The following RALGAPB variants were observed in gnomAD, a reference collection of about 807,000 sequenced individuals.
The protein encoded by RALGAPB is Ral GTPase activating protein non-catalytic subunit beta, also known as ral GTPase-activating protein subunit beta.
In RALGAPB, 25 loss-of-function variants were observed where a neutral mutation model predicts 161.1. That is an observed-to-expected ratio of 0.16 (90% CI 0.11 to 0.22). The LOEUF is 0.22. Among genes scored for constraint, RALGAPB ranks in the 10% least tolerant of loss-of-function variants. RALGAPB has a pLI of 1.00. For missense variants in RALGAPB, 1,391 were observed against 1,815.2 expected, an observed-to-expected ratio of 0.77 and a Z score of 4.25; for synonymous variants, 629 against 626.1, an observed-to-expected ratio of 1.00 and a Z score of -0.07.
rs2088351628 is a variant in RALGAPB, at chr20:38,574,290, G to T, written c.4283G>T (p.Arg1428Leu). 1 of 1,609,818 alleles carries T rather than the reference G, an allele frequency of 6.2e-7. No homozygotes were observed. Among genetic ancestry groups the T allele is most frequent in the Non-Finnish European group, 8.5e-7 (1 of 1,178,562 alleles). ...GTGGATGGGATGATTGTCAGCAGGC[G>T]AGCTCTTGGTAAGGTCTTCATATGT... ...PLVDGMIVSR[R>L]ALGFLVRQTV... is the part of the protein sequence containing the mutation. The change falls in exon 29 of 30, where the codon CGA (arginine) becomes CTA (leucine). Residue 1428 changes from arginine (R) to leucine (L), a missense_variant. Physicochemically the swap from Arg to Leu is moderately radical, Grantham distance 102. Coordinates refer to ENST00000262879, the MANE Select transcript of RALGAPB (RefSeq NM_020336.4).
intron 2 of RALGAPB, among the ~76,000 whole-genome samples, chr20:38,491,301 G>A (rs1415017485): frequency 6.6e-6 from 1 of 151,722 alleles, no homozygotes; most frequent in African/African-American, 2.4e-5. Context: ...TAGCTTTGTG[G>A]TATCTACAGA....
At position 38,488,474 on chromosome 20, in the gene RALGAPB, T is replaced by C. The variant is rs752803121; in HGVS notation, c.42T>C (p.Asn14=). Residue 14 remains asparagine (N), a synonymous_variant, in exon 2 of 30, where the codon AAT becomes AAC. Transcript: ENST00000262879. ...EWRSLHLVIQ[N]DQGHTSVLHS... ...GGTCACTGCATTTGGTGATTCAGAATGATCAAGGCCATACCAGTGTGCTGC... is the reference window on the plus strand; with the variant it reads ...GGTCACTGCATTTGGTGATTCAGAACGATCAAGGCCATACCAGTGTGCTGC... 4.3e-6 allele frequency: 7 copies of C among 1,614,026 alleles called. No homozygotes were observed. In the Admixed American group the frequency reaches 1.0e-4, roughly 23 times the overall value.
chr20:38,555,777 T>C (rs964945895), intron 22 of RALGAPB, among the ~76,000 whole-genome samples: 39 of 152,080 alleles, frequency 2.6e-4, no homozygotes, highest in Non-Finnish European at 1.2e-4. Flanking sequence ...AGTTACCTGG[T>C]TTATGAACCT....
rs190992467 is a variant in RALGAPB at position 38,485,320 on chromosome 20, A to T, written c.-30-3083A>T. ...TACTCATTGTGCTAACCAAAAGTAC[A>T]CTTATTTCCACAGTGCCTCTAGGTG... On this transcript the variant is annotated intron_variant, in intron 1 of 29. Coordinates refer to ENST00000262879, the MANE Select transcript of RALGAPB (RefSeq NM_020336.4). Among the ~76,000 whole-genome samples the T allele has an allele frequency of 3.9e-3, 587 of 152,258 alleles. 4 individuals carry two copies. The highest frequency in any genetic ancestry group is 0.022 in the South Asian group (108 of 4,818).
chr20:38,567,843 G>T (rs1201610892), intron 26 of RALGAPB, among the ~76,000 whole-genome samples: 1 of 152,210 alleles, frequency 6.6e-6, no homozygotes, highest in Non-Finnish European at 1.5e-5. Context: ...TTTTAGGTTA[G>T]CTTCCTTCCA....
chr20:38,567,242 T>C lies in RALGAPB; in HGVS notation c.3954+10T>C, dbSNP rs1326426859. On this transcript the variant is annotated intron_variant, in intron 26 of 29. Transcript: ENST00000262879. The stretch of plus-strand genomic sequence containing the variant: ...TAATTCCTCACAGAGGGTAAGTTAC[T>C]TTGTTGATAGGTCTCCAAAATTTTG... The C allele has an allele frequency of 6.2e-7, 1 of 1,608,928 alleles. No homozygotes were observed. Among genetic ancestry groups the C allele is most frequent in the Non-Finnish European group, 8.5e-7 (1 of 1,177,776 alleles).
intron 22 of RALGAPB, among the ~76,000 whole-genome samples, chr20:38,556,004 GA>G: frequency 6.6e-6 from 1 of 152,184 alleles, no homozygotes; most frequent in South Asian, 2.1e-4. Context: ...AAGCTATTAA[GA>G]AAATAATTTG....
chr20:38,526,185 A>T (rs2086461826), intron 13 of RALGAPB, 143 bp downstream of exon 13: 2 of 953,400 alleles, frequency 2.1e-6, no homozygotes, highest in Non-Finnish European at 1.6e-6. Flanking sequence ...TAGTTTTTTA[A>T]TGTAAAAAAA....
chr20:38,481,016 G>A (rs969294105), intron 1 of RALGAPB, among the ~76,000 whole-genome samples: 2 of 151,972 alleles, frequency 1.3e-5, no homozygotes, highest in Non-Finnish European at 2.9e-5. Context: ...GATTACAGGC[G>A]TGACCCACTG....
intron 19 of RALGAPB, chr20:38,547,938 G>A (rs1050701238): frequency 1.3e-5 from 2 of 152,138 alleles, no homozygotes; most frequent in African/African-American, 4.8e-5. Context: ...GCTTTTTAAA[G>A]ACTCTCCTAC....
intron 13 of RALGAPB, among the ~76,000 whole-genome samples, chr20:38,527,243 C>A (rs2086499160): frequency 6.6e-6 from 1 of 152,136 alleles, no homozygotes; most frequent in Non-Finnish European, 1.5e-5. Context: ...TCCCTTTAAG[C>A]CCTTATGCCC....
At chr20:38,473,380 G>T (rs1406711400) in intron 1 of RALGAPB, among the ~76,000 whole-genome samples, 1 of 152,170 alleles carries the variant, frequency 6.6e-6, no homozygotes, top group Non-Finnish European at 1.5e-5. Flanking sequence ...GACAACTCCC[G>T]CAAAGAATTT....
chr20:38,488,550 C>T lies in RALGAPB; in HGVS notation c.118C>T (p.Pro40Ser). The T allele has an allele frequency of 6.2e-7, 1 of 1,614,160 alleles. No individual in the cohort carries two copies. The highest frequency in any genetic ancestry group is 8.5e-7 in the Non-Finnish European group (1 of 1,180,038). The change falls in exon 2 of 30, where the codon CCT becomes TCT. Residue 40 changes from proline (P) to serine (S), a missense_variant. This residue lies in a region of RALGAPB where 946 missense variants were observed against 1,257.2 expected (regional missense o/e 0.75). Transcript: ENST00000262879. Reference protein sequence around the residue: ...GREVANAVVRPLGQVLGTPSV... With the variant: ...GREVANAVVRSLGQVLGTPSV... Reference sequence around the variant, plus strand: ...AGAGGTGGCAAATGCTGTAGTCCGTCCTCTTGGGCAGGTGTTAGGTACCCC... The same window carrying T: ...AGAGGTGGCAAATGCTGTAGTCCGTTCTCTTGGGCAGGTGTTAGGTACCCC...
intron 3 of RALGAPB, among the ~76,000 whole-genome samples, chr20:38,494,531 C>A (rs144432963): frequency 4.0e-5 from 6 of 151,450 alleles, no homozygotes; most frequent in African/African-American, 1.5e-4. Flanking sequence ...CATGGGAGGC[C>A]GAGGCAGGAG....
At chr20:38,503,296 G>C (rs563424414) in intron 5 of RALGAPB, among the ~76,000 whole-genome samples, 3 of 152,294 alleles carry the variant, frequency 2.0e-5, no homozygotes, top group African/African-American at 7.2e-5. Flanking sequence ...TTTTTCAACT[G>C]TATGAGGGGC....
At chr20:38,491,851 T>G (rs2085289967) in intron 2 of RALGAPB, among the ~76,000 whole-genome samples, 1 of 152,242 alleles carries the variant, frequency 6.6e-6, no homozygotes, top group African/African-American at 2.4e-5. Context: ...ATGAAGCTCA[T>G]TTGGCATGGC....
intron 15 of RALGAPB, among the ~76,000 whole-genome samples, chr20:38,534,860 A>G (rs923214226): frequency 1.4e-4 from 21 of 152,232 alleles, no homozygotes; most frequent in African/African-American, 4.8e-4. Flanking sequence ...TGAACCAGGA[A>G]CTAGAAGCTG....
chr20:38,571,104 G>A (rs1328692665), intron 28 of RALGAPB, among the ~76,000 whole-genome samples: 1 of 152,090 alleles, frequency 6.6e-6, no homozygotes, highest in African/African-American at 2.4e-5. Context: ...ACAACTTGAT[G>A]AGCTTGGAGA....
At chr20:38,510,543 C>T (rs988055470) in intron 6 of RALGAPB, among the ~76,000 whole-genome samples, 11 of 152,158 alleles carry the variant, frequency 7.2e-5, no homozygotes, top group African/African-American at 1.7e-4. Context: ...AAAACCTCAA[C>T]GAAACCTTCT....
Sources: gnomAD v4.1 joint callset for allele counts (sites outside exome capture counted in the v4.1 genomes callset) on GRCh38, gnomAD v4.1.1 for gene constraint, gnomAD v4.1.1 regional missense constraint, MANE v1.5 for transcripts, NCBI Gene and HGNC (gene_info 2026-07-23, HGNC 2026-07-21) for gene names.